NSMCE4A: variants seen among roughly 807,000 people sequenced by gnomAD.
NSMCE4A encodes non-structural maintenance of chromosomes element 4 homolog A.
In NSMCE4A, 40 loss-of-function variants were observed where a neutral mutation model predicts 47.9. The observed-to-expected ratio is 0.83, with a 90% CI of 0.65 to 1.09. The LOEUF (loss-of-function observed/expected upper bound fraction) is 1.09, where lower values mean the gene tolerates loss of function less well. Ranked by LOEUF, NSMCE4A falls within the 50% of genes least tolerant of loss-of-function variation. The pLI, the probability that NSMCE4A is intolerant of heterozygous loss-of-function variation, is 0.00. For synonymous variants in NSMCE4A, 166 were observed against 178.5 expected (o/e 0.93, Z 0.56); for missense variants, 500 against 507.0 (o/e 0.99, Z 0.13).
chr10:121,975,119 C>A lies in NSMCE4A; in HGVS notation c.47G>T (p.Gly16Val). Residue 16 changes from glycine (G) to valine (V), a missense_variant, in exon 1 of 11, where the codon GGC becomes GTC. Gly to Val is a moderately radical substitution (Grantham distance 109). Transcript: ENST00000369023. ...SGRGPEGRGR[G>V]RDPHRDRTRS... ...GGTGCGATCCCGATGCGGGTCGCGG[C>A]CCCGGCCCCGGCCCTCTGGCCCGCG... is the stretch of plus-strand genomic sequence containing the variant. 1 of 1,418,908 alleles carries A rather than the reference C, an allele frequency of 7.0e-7. No homozygotes were observed. The highest frequency in any genetic ancestry group is 9.1e-7 in the Non-Finnish European group (1 of 1,098,054). 87.9% of individuals were successfully genotyped at this position (1,418,908 alleles called of 1,614,324 possible). A position where few individuals can be genotyped will look rare whatever the true frequency, so the allele number is the denominator to read the frequency against.
rs745394693 is a variant in NSMCE4A at position 121,974,971 on chromosome 10, G to T, written c.195C>A (p.Asp65Glu). The change falls in exon 1 of 11, where the codon GAC becomes GAA. Residue 65 changes from aspartate to glutamate, a missense_variant. Physicochemically the swap from Asp to Glu is conservative, Grantham distance 45 (BLOSUM62 2). Transcript: ENST00000369023. ...LEDTEPSDSG[D>E]EMMDPASLEA... ...CCAAGCTGGCCGGGTCCATCATCTCGTCCCCGGAATCCGACGGCTCTGTGT... is the reference window on the plus strand; with the variant it reads ...CCAAGCTGGCCGGGTCCATCATCTCTTCCCCGGAATCCGACGGCTCTGTGT... 1.5e-4 allele frequency: 226 copies of T among 1,527,174 alleles called. No homozygotes were observed. The highest frequency in any genetic ancestry group is 3.6e-5 in the Non-Finnish European group (41 of 1,139,770). 94.6% of individuals were successfully genotyped at this position (1,527,174 alleles called of 1,614,324 possible).
intron 7 of NSMCE4A, among the ~76,000 whole-genome samples, chr10:121,961,018 A>G (rs549085453): frequency 6.6e-6 from 1 of 151,118 alleles, no homozygotes; most frequent in African/African-American, 2.4e-5. Flanking sequence ...TTACTTTATC[A>G]CTCTACATAT....
rs1216591361 is a variant in NSMCE4A at position 121,965,267 on chromosome 10, G to C, written c.753+19C>G. On this transcript the variant is annotated intron_variant, in intron 5 of 10. Coordinates refer to ENST00000369023, the MANE Select transcript of NSMCE4A (RefSeq NM_017615.3). ...TTAACTTTAATGTGTTTTTTTAAAA[G>C]CAACATTTTAAAACAAACCTGGGCA... 1 of 1,537,314 alleles carries C rather than the reference G, an allele frequency of 6.5e-7. No individual in the cohort carries two copies. Among genetic ancestry groups the C allele is most frequent in the East Asian group, 2.3e-5 (1 of 44,368 alleles).
intron 2 of NSMCE4A, among the ~76,000 whole-genome samples, chr10:121,973,650 G>A (rs2134795419): frequency 6.6e-6 from 1 of 152,292 alleles, no homozygotes; most frequent in African/African-American, 2.4e-5. Context: ...GATTTCAGAG[G>A]CTAGCTCAGT....
Position 121,974,167 on chromosome 10 carries a change from C to T in NSMCE4A, c.293-86G>A, listed in dbSNP as rs1247441732. 3.6e-6 allele frequency: 5 copies of T among 1,370,852 alleles called. No individual in the cohort carries two copies. The Admixed American group carries it at 6.1e-5, about 17-fold the overall frequency. The allele number at this position is 1,370,852 out of a possible 1,614,324, so 84.9% of individuals were successfully genotyped here. A position where few individuals can be genotyped will look rare whatever the true frequency, so the allele number is the denominator to read the frequency against. Reference sequence around the variant, plus strand: ...AAGGTTATCACCTGCAACAGTAAAGCCAAGCCCCGGCCCCTGCGCTCTGAG... The same window carrying T: ...AAGGTTATCACCTGCAACAGTAAAGTCAAGCCCCGGCCCCTGCGCTCTGAG... On this transcript the variant is annotated intron_variant, in intron 1 of 10. Transcript: ENST00000369023.
chr10:121,972,246 T>TGG (rs76035057), intron 2 of NSMCE4A, among the ~76,000 whole-genome samples: 1 of 151,494 alleles, frequency 6.6e-6, no homozygotes, highest in Non-Finnish European at 1.5e-5. Context: ...AGCTTTAACC[T>TGG]GGGGGGGGCA....
chr10:121,974,913 TC>T lies in NSMCE4A; in HGVS notation c.252del (p.Ile85SerfsTer20). 1 of 1,528,728 alleles carries T rather than the reference TC, an allele frequency of 6.5e-7. No individual in the cohort carries two copies. Among genetic ancestry groups the T allele is most frequent in the Non-Finnish European group, 8.8e-7 (1 of 1,140,528 alleles). The allele number at this position is 1,528,728 out of a possible 1,614,324, so 94.7% of individuals were successfully genotyped here. The part of the protein sequence containing the change: ...EAEADQGLCR[Q>X]IRHQYRALIN... ...ATGAGCGCCCGGTACTGATGGCGGA[TC>T]TGGCGGCACAGGCCTTGGTCGGCCT... On this transcript the variant is annotated frameshift_variant, in exon 1 of 11. Coordinates refer to ENST00000369023, the MANE Select transcript of NSMCE4A (RefSeq NM_017615.3). LOFTEE classifies it high-confidence loss of function.
chr10:121,962,409 ACT>A (rs1474773018), intron 6 of NSMCE4A, among the ~76,000 whole-genome samples: 2 of 147,804 alleles, frequency 1.4e-5, no homozygotes, highest in African/African-American at 2.5e-5. Context: ...ACAGAGCGAG[ACT>A]CTGTCTCAAA....
chr10:121,965,641 G>C (rs1952593150), intron 4 of NSMCE4A: 1 of 379,596 alleles, frequency 2.6e-6, no homozygotes, highest in Non-Finnish European at 4.7e-6. Context: ...GCCCTGTAAA[G>C]TAGGCCAGTG....
At chr10:121,974,184 C>T (rs1952771653) in intron 1 of NSMCE4A, 103 bp from the exon 2 acceptor site, 1 of 1,344,140 alleles carries the variant, frequency 7.4e-7, no homozygotes, top group Admixed American at 2.5e-5. Flanking sequence ...CCGGCCCCTG[C>T]GCTCTGAGTA....
intron 4 of NSMCE4A, chr10:121,966,912 G>A (rs2134761226): frequency 6.6e-6 from 1 of 152,254 alleles, no homozygotes; most frequent in Non-Finnish European, 1.5e-5. Context: ...TCTAAAAAAT[G>A]AACTGGACAG....
intron 2 of NSMCE4A, among the ~76,000 whole-genome samples, chr10:121,971,542 G>A (rs1016861714): frequency 1.3e-5 from 2 of 151,934 alleles, no homozygotes; most frequent in African/African-American, 4.8e-5. Context: ...ACTTTCTCCT[G>A]TGCCCAACTC....
At position 121,960,360 on chromosome 10, in the gene NSMCE4A, A is replaced by AT. The variant is rs1402193938; in HGVS notation, c.985dup (p.Ile329AsnfsTer5). The AT allele has an allele frequency of 6.7e-7, 1 of 1,491,188 alleles. No individual in the cohort carries two copies. Among genetic ancestry groups the AT allele is most frequent in the Admixed American group, 2.8e-5 (1 of 35,446 alleles). The allele number at this position is 1,491,188 out of a possible 1,614,324, so 92.4% of individuals were successfully genotyped here. On this transcript the variant is annotated frameshift_variant, in exon 8 of 11. Coordinates refer to ENST00000369023, the MANE Select transcript of NSMCE4A (RefSeq NM_017615.3). LOFTEE classifies it high-confidence loss of function. This position sits in a 1 kb window ranked among gnomAD's most constrained non-coding sequence, Gnocchi z 4.2. ...TTTCCAAACATAGTATCATTTACCT[A>AT]TTACTGGCAGTCGGTCTTGGTCAAG...
chr10:121,963,322 T>C lies in NSMCE4A; in HGVS notation c.760A>G (p.Arg254Gly), dbSNP rs770919055. ...GCTTCTTGATGAGATTCTTCCATTCTTCTTAACTGAAAAAAGTCATTATCA... is the reference window on the plus strand; with the variant it reads ...GCTTCTTGATGAGATTCTTCCATTCCTCTTAACTGAAAAAAGTCATTATCA... Reference protein sequence around the residue: ...EERAMPAQLRRMEESHQEATE... With the variant: ...EERAMPAQLRGMEESHQEATE... The change falls in exon 6 of 11, where the codon AGA becomes GGA. Residue 254 changes from arginine to glycine, a missense_variant. Coordinates refer to ENST00000369023, the MANE Select transcript of NSMCE4A (RefSeq NM_017615.3). The C allele has an allele frequency of 6.6e-5, 106 of 1,601,106 alleles. No homozygotes were observed. The highest frequency in any genetic ancestry group is 8.2e-5 in the Non-Finnish European group (96 of 1,169,664).
chr10:121,974,727 G>T, intron 1 of NSMCE4A, 147 bp downstream of exon 1: 2 of 1,142,062 alleles, frequency 1.8e-6, no homozygotes, highest in Non-Finnish European at 2.1e-6. Flanking sequence ...TTTAAGGTGC[G>T]GCGAGGGGCT....
Position 121,963,240 on chromosome 10 carries a change from T to A in NSMCE4A, c.842A>T (p.Asp281Val). 6.3e-7 allele frequency: 1 copy of A among 1,596,548 alleles called. No individual in the cohort carries two copies. Reference sequence around the variant, plus strand: ...ACTTTGAATGGTGTTACACTTACGATCTTCTCGAAAATATGTCTGCAACAA... The same window carrying A: ...ACTTTGAATGGTGTTACACTTACGAACTTCTCGAAAATATGTCTGCAACAA... ...LGLLQTYFRE[D>V]PDTPMSFFDF... The change falls in exon 6 of 11, where the codon GAT becomes GTT. Residue 281 changes from aspartate to valine, a missense_variant and splice_region_variant. Transcript: ENST00000369023.
rs1366322405 is a variant in NSMCE4A, at chr10:121,959,853, G to C, written c.989-258C>G. 5 of 504,684 alleles carry C rather than the reference G, an allele frequency of 9.9e-6. No individual in the cohort carries two copies. In the East Asian group the frequency reaches 1.8e-4, roughly 18 times the overall value. 31.3% of individuals were successfully genotyped at this position (504,684 alleles called of 1,614,324 possible). ...CATTTGAAAATCTGCATATCTATGT[G>C]TCAACCACAGAGCTAAGCCCTAGTG... is the stretch of plus-strand genomic sequence containing the variant. On this transcript the variant is annotated intron_variant, in intron 8 of 10. Coordinates refer to ENST00000369023, the MANE Select transcript of NSMCE4A (RefSeq NM_017615.3).
At chr10:121,969,501 T>TA (rs35005382) in intron 3 of NSMCE4A, among the ~76,000 whole-genome samples, 18,122 of 137,996 alleles carry the variant, frequency 0.13, 1,304 homozygotes, top group Middle Eastern at 0.17. Flanking sequence ...AAAAAAAAGT[T>TA]AAAAAAAAAA....
Position 121,974,983 on chromosome 10 carries a change from C to T in NSMCE4A, c.183G>A (p.Ser61=), listed in dbSNP as rs1202547143. 1 of 1,524,014 alleles carries T rather than the reference C, an allele frequency of 6.6e-7. No homozygotes were observed. The allele number at this position is 1,524,014 out of a possible 1,614,324, so 94.4% of individuals were successfully genotyped here. ...ERPSLEDTEP[S]DSGDEMMDPA... The stretch of plus-strand genomic sequence containing the variant: ...GGTCCATCATCTCGTCCCCGGAATC[C>T]GACGGCTCTGTGTCCTCCAGGCTCG... Residue 61 remains serine (S), a synonymous_variant, in exon 1 of 11, where the codon TCG becomes TCA. Transcript: ENST00000369023.
Sources: allele counts gnomAD v4.1 joint callset (sites outside exome capture counted in the v4.1 genomes callset), GRCh38; gene constraint gnomAD v4.1.1; non-coding constraint Gnocchi (gnomAD v3.1); transcripts MANE v1.5; gene names NCBI Gene and HGNC (gene_info 2026-07-23, HGNC 2026-07-21).